Variants in PRR5 observed in about 807,000 individuals in gnomAD.
The protein encoded by PRR5 is proline rich 5, also known as proline-rich protein 5.
In PRR5, 25 loss-of-function variants were observed where a neutral mutation model predicts 30.6. The ratio of observed to expected loss-of-function variants is 0.82; its 90% CI spans 0.60 to 1.14. PRR5 has a LOEUF of 1.14. Ranked by LOEUF, PRR5 falls within the 50% of genes most tolerant of loss-of-function variation. The pLI is 0.00. For missense variants in PRR5, 600 were observed against 547.1 expected (o/e 1.10, Z -0.96); for synonymous variants, 286 against 247.1 (o/e 1.16, Z -1.48).
chr22:44,682,981 T>C (rs986372785), intron 1 of PRR5, among the ~76,000 whole-genome samples: 1 of 152,180 alleles, frequency 6.6e-6, no homozygotes, highest in African/African-American at 2.4e-5. Flanking sequence ...GAATAGGAGT[T>C]GGCCAACCAG....
At chr22:44,693,795 ATTTT>A (rs61604082) in intron 1 of PRR5, among the ~76,000 whole-genome samples, 1,890 of 79,580 alleles carry the variant, frequency 0.024, 33 homozygotes, top group Middle Eastern at 0.067. Flanking sequence ...ACACTCGGCT[ATTTT>A]TTTTTTTTTT....
Position 44,735,152 on chromosome 22 carries a change from C to T in PRR5, c.681C>T (p.Ser227=), listed in dbSNP as rs1365997552. 1.2e-6 allele frequency: 2 copies of T among 1,612,772 alleles called. No individual in the cohort carries two copies. Among genetic ancestry groups the T allele is most frequent in the Non-Finnish European group, 8.5e-7 (1 of 1,179,800 alleles). The change falls in exon 7 of 8, where the codon TCC becomes TCT. Residue 227 remains serine (S), a synonymous_variant. Coordinates refer to ENST00000336985, the MANE Select transcript of PRR5 (RefSeq NM_181333.4). ...LHSSEGPFTH[S]CILEKRLLRR... ...CCAGCGAGGGGCCCTTCACCCATTC[C>T]TGCATCCTGGGTAGGGGTCCGCCTG...
In PRR5 at chr22:44,710,469, C is replaced by T. The variant is rs1222740477; in HGVS notation, c.135-4122C>T. On this transcript the variant is annotated intron_variant, in intron 1 of 7. Coordinates refer to ENST00000336985, the MANE Select transcript of PRR5 (RefSeq NM_181333.4). ...GTCATGGGCCGTTTCCACTCAAGCC[C>T]TCACCCAGAAGCCATGACATTTACA... Among the ~76,000 whole-genome samples, 5 of 152,306 alleles carry T rather than the reference C, an allele frequency of 3.3e-5. No individual in the cohort carries two copies. In the East Asian group the frequency reaches 5.8e-4, roughly 18 times the overall value.
chr22:44,702,535 A>T lies in PRR5; in HGVS notation c.61A>T (p.Arg21Ter). 6.8e-7 allele frequency: 1 copy of T among 1,461,132 alleles called. No homozygotes were observed. The highest frequency in any genetic ancestry group is 9.1e-7 in the Non-Finnish European group (1 of 1,104,666). 90.5% of individuals were successfully genotyped at this position (1,461,132 alleles called of 1,614,324 possible). A position where few individuals can be genotyped will look rare whatever the true frequency, so the allele number is the denominator to read the frequency against. Residue 21 changes from arginine (R) to a stop codon, truncating the protein, a stop_gained, in exon 1 of 8, where the codon AGA (arginine) becomes TGA (stop). Transcript: ENST00000336985. LOFTEE classifies it high-confidence loss of function. The part of the protein sequence containing the change: ...SSPSLSDLGK[R>*]EPAAAADERG... ...GCCCAGCCTCAGTGACCTGGGCAAG[A>T]GAGAGCCGGCCGCCGCCGCGGACGA...
At chr22:44,721,898 C>T (rs1929994365) in intron 2 of PRR5, among the ~76,000 whole-genome samples, 2 of 152,232 alleles carry the variant, frequency 1.3e-5, no homozygotes, top group Admixed American at 1.3e-4. Context: ...CACCTGGTGC[C>T]CTGCTCTCTG....
chr22:44,695,635 G>A (rs1307655297), intron 1 of PRR5, among the ~76,000 whole-genome samples: 1 of 152,036 alleles, frequency 6.6e-6, no homozygotes, highest in Non-Finnish European at 1.5e-5. Context: ...TTTTGCTCCT[G>A]CCACCCAGGC....
intron 1 of PRR5, 131 bp downstream of exon 1, chr22:44,702,739 AAAG>A (rs1304661423): frequency 1.1e-5 from 13 of 1,200,420 alleles, no homozygotes; most frequent in East Asian, 1.0e-4. Flanking sequence ...CACAGTTTGC[AAAG>A]AACTTGCCCC....
chr22:44,718,506 A>G (rs1929452194), intron 2 of PRR5, among the ~76,000 whole-genome samples: 1 of 152,074 alleles, frequency 6.6e-6, no homozygotes, highest in African/African-American at 2.4e-5. Context: ...CATTTCTCTT[A>G]GGTTCATATA....
At chr22:44,729,695 G>T in intron 4 of PRR5, 1 of 985,484 alleles carries the variant, frequency 1.0e-6, no homozygotes, top group Non-Finnish European at 1.2e-6. Context: ...CCGGCAGAGA[G>T]CCCCAACAGC....
chr22:44,708,522 C>T (rs1927598731), intron 1 of PRR5, among the ~76,000 whole-genome samples: 1 of 152,150 alleles, frequency 6.6e-6, no homozygotes, highest in Non-Finnish European at 1.5e-5. Context: ...ACCCGTGTCT[C>T]CCCCAGCAAC....
At chr22:44,704,803 C>T (rs769783286) in intron 1 of PRR5, among the ~76,000 whole-genome samples, 11 of 151,978 alleles carry the variant, frequency 7.2e-5, no homozygotes, top group Non-Finnish European at 1.2e-4. Flanking sequence ...TGCAGCAGAG[C>T]CTGCGCCCCA....
At chr22:44,706,320 T>C (rs764917566) in intron 1 of PRR5, among the ~76,000 whole-genome samples, 5 of 152,182 alleles carry the variant, frequency 3.3e-5, no homozygotes, top group Non-Finnish European at 7.3e-5. Flanking sequence ...ACTGGGCTGC[T>C]CAGGGCATAG....
At chr22:44,732,631 T>C (rs1365149829) in intron 6 of PRR5, among the ~76,000 whole-genome samples, 1 of 152,148 alleles carries the variant, frequency 6.6e-6, no homozygotes. Context: ...TTACACCCTG[T>C]GTCGGCCAGC....
chr22:44,706,918 T>A (rs1927299670), intron 1 of PRR5, among the ~76,000 whole-genome samples: 1 of 152,138 alleles, frequency 6.6e-6, no homozygotes, highest in Admixed American at 6.5e-5. Flanking sequence ...GCAGAGCTTG[T>A]TTCCTGAGTG....
At chr22:44,714,785 C>G (rs1928802149) in intron 2 of PRR5, 114 bp downstream of exon 2, 4 of 1,357,672 alleles carry the variant, frequency 2.9e-6, no homozygotes, top group Non-Finnish European at 4.0e-6. Flanking sequence ...TGCTTCCTCC[C>G]CTAGAGGCCA....
At chr22:44,692,986 G>A (rs1156310094) in intron 1 of PRR5, among the ~76,000 whole-genome samples, 1 of 152,190 alleles carries the variant, frequency 6.6e-6, no homozygotes, top group Non-Finnish European at 1.5e-5. Flanking sequence ...CAGAGCTAGA[G>A]GGAATGAGGG....
At chr22:44,732,204 GACGCATGTGAC>G in intron 5 of PRR5, 36 bp from the exon 6 acceptor site, 1 of 1,600,554 alleles carries the variant, frequency 6.2e-7, no homozygotes, top group Non-Finnish European at 8.5e-7. Flanking sequence ...GGGAGATGAG[GACGCATGTGAC>G]CACAGCCGGT....
intron 1 of PRR5, among the ~76,000 whole-genome samples, chr22:44,696,537 C>A (rs1273503141): frequency 6.6e-6 from 1 of 152,002 alleles, no homozygotes; most frequent in Non-Finnish European, 1.5e-5. Flanking sequence ...CCTCCCCGGC[C>A]CCTAGAACTG....
intron 2 of PRR5, among the ~76,000 whole-genome samples, chr22:44,722,401 C>T (rs535804998): frequency 1.3e-5 from 2 of 152,364 alleles, no homozygotes; most frequent in South Asian, 4.1e-4. Flanking sequence ...TTGCCCTGTG[C>T]TTCCGTGCAC....
Sources: allele counts gnomAD v4.1 joint callset (sites outside exome capture counted in the v4.1 genomes callset), GRCh38; gene constraint gnomAD v4.1.1; transcripts MANE v1.5; gene names NCBI Gene and HGNC (gene_info 2026-07-23, HGNC 2026-07-21).